RBFOX3: variants seen among roughly 807,000 people sequenced by gnomAD.
RBFOX3 encodes the protein RNA binding fox-1 homolog 3.
RBFOX3 carries 17 observed loss-of-function variants against 48.7 expected under a neutral mutation model. The observed-to-expected ratio is 0.35, with a 90% CI of 0.24 to 0.52. The LOEUF (loss-of-function observed/expected upper bound fraction) is 0.52, where lower values mean the gene tolerates loss of function less well. Ranked by LOEUF, RBFOX3 falls within the 20% of genes least tolerant of loss-of-function variation. RBFOX3 has a pLI of 0.94. For missense variants in RBFOX3, 382 were observed against 497.5 expected (o/e 0.77, Z 2.21); for synonymous variants, 212 against 209.5 (o/e 1.01, Z -0.10).
chr17:79,388,706 G>A (rs552362175), intron 2 of RBFOX3, among the ~76,000 whole-genome samples: 7 of 152,216 alleles, frequency 4.6e-5, no homozygotes, highest in Admixed American at 3.3e-4. Context: ...CAGGGTTCCC[G>A]GCAAGGACAC....
chr17:79,507,233 GAC>G (rs1389230743), intron 1 of RBFOX3, among the ~76,000 whole-genome samples: 13 of 152,192 alleles, frequency 8.5e-5, no homozygotes, highest in African/African-American at 3.1e-4. Flanking sequence ...CATCCCATCA[GAC>G]ACAACCGCCA....
chr17:79,373,589 C>T (rs1404645647), intron 2 of RBFOX3, among the ~76,000 whole-genome samples: 1 of 152,112 alleles, frequency 6.6e-6, no homozygotes, highest in African/African-American at 2.4e-5. Context: ...GGACTTGACG[C>T]CTGCTGGCCT....
intron 4 of RBFOX3, among the ~76,000 whole-genome samples, chr17:79,141,194 T>C (rs1218848108): frequency 2.6e-5 from 4 of 152,154 alleles, no homozygotes; most frequent in Non-Finnish European, 2.9e-5. Flanking sequence ...GGGGACAGAA[T>C]TGGGAGGGGT....
At chr17:79,342,505 C>A (rs1468628583) in intron 2 of RBFOX3, among the ~76,000 whole-genome samples, 1 of 152,210 alleles carries the variant, frequency 6.6e-6, no homozygotes, top group African/African-American at 2.4e-5. Context: ...GAACCTAAGT[C>A]CTGGGCTACA....
intron 2 of RBFOX3, among the ~76,000 whole-genome samples, chr17:79,367,296 C>T (rs2057917193): frequency 1.4e-5 from 2 of 143,158 alleles, no homozygotes; most frequent in Non-Finnish European, 3.1e-5. Flanking sequence ...CCCTCCTCCT[C>T]CCTCTCCTCT....
At chr17:79,259,765 C>T (rs1183817843) in intron 3 of RBFOX3, among the ~76,000 whole-genome samples, 1 of 152,040 alleles carries the variant, frequency 6.6e-6, no homozygotes, top group Non-Finnish European at 1.5e-5. Context: ...TGTCTAGGTG[C>T]CCCCGCATCT....
intron 1 of RBFOX3, among the ~76,000 whole-genome samples, chr17:79,556,412 G>T (rs1440725424): frequency 6.6e-6 from 1 of 152,192 alleles, no homozygotes; most frequent in Non-Finnish European, 1.5e-5. Context: ...GAAGGGCCGA[G>T]GAGGGGACAG....
chr17:79,094,696 CCTT>C (rs1212535518), intron 13 of RBFOX3, among the ~76,000 whole-genome samples, 167 bp from the exon 14 acceptor site: 1 of 151,370 alleles, frequency 6.6e-6, no homozygotes, highest in Non-Finnish European at 1.5e-5. Flanking sequence ...GCCTACCCCT[CCTT>C]CTTGTTAAGA....
chr17:79,177,514 C>T (rs2050847464), intron 4 of RBFOX3, among the ~76,000 whole-genome samples: 1 of 152,196 alleles, frequency 6.6e-6, no homozygotes, highest in Admixed American at 6.5e-5. Flanking sequence ...GCCGAATGGC[C>T]GTCAGCTTAC....
chr17:79,616,000 T>C (rs2093992423), upstream of RBFOX3, among the ~76,000 whole-genome samples: 1 of 152,152 alleles, frequency 6.6e-6, no homozygotes, highest in Admixed American at 6.5e-5. Context: ...TATTCAGCAC[T>C]GGACACATCC....
chr17:79,620,088 C>T, the RBFOX3 span, among the ~76,000 whole-genome samples: 2 of 146,962 alleles, frequency 1.4e-5, no homozygotes, highest in Non-Finnish European at 1.5e-5. Flanking sequence ...CACACAAGCA[C>T]ATGCACACAT....
chr17:79,352,492 C>A (rs763159407), intron 2 of RBFOX3, among the ~76,000 whole-genome samples: 2 of 152,154 alleles, frequency 1.3e-5, no homozygotes, highest in East Asian at 1.9e-4. Context: ...TATGGCAGTG[C>A]GAGAACAGAT....
chr17:79,153,484 A>C (rs972570208), intron 4 of RBFOX3, among the ~76,000 whole-genome samples: 10 of 152,138 alleles, frequency 6.6e-5, no homozygotes, highest in African/African-American at 1.4e-4. Flanking sequence ...GGGACTTCAG[A>C]ATGACAGGAG....
chr17:79,190,432 C>CAAAAAAAACTATAACAAA (rs58432390), intron 4 of RBFOX3, among the ~76,000 whole-genome samples: 5 of 114,736 alleles, frequency 4.4e-5, no homozygotes, highest in Non-Finnish European at 7.3e-5. Flanking sequence ...AAAAAAAAAA[C>CAAAAAAAACTATAACAAA]AAAAAAACAG....
intron 1 of RBFOX3, among the ~76,000 whole-genome samples, chr17:79,514,702 A>G (rs2149909798): frequency 6.6e-6 from 1 of 152,256 alleles, no homozygotes; most frequent in Middle Eastern, 3.4e-3. Context: ...AGCATCTAGC[A>G]CAAGCCTCTG....
At chr17:79,137,919 C>G (rs948051338) in intron 4 of RBFOX3, among the ~76,000 whole-genome samples, 3 of 152,172 alleles carry the variant, frequency 2.0e-5, no homozygotes, top group Admixed American at 1.3e-4. Context: ...GCTGATTGCG[C>G]CTGTCAACTC....
intron 9 of RBFOX3, among the ~76,000 whole-genome samples, chr17:79,100,794 G>A (rs1416841844): frequency 6.6e-6 from 1 of 152,218 alleles, no homozygotes; most frequent in Admixed American, 6.5e-5. Flanking sequence ...ACTCGCAGTG[G>A]CCACCAGTGG....
chr17:79,297,575 C>A (rs962240509), intron 3 of RBFOX3, among the ~76,000 whole-genome samples: 1 of 152,262 alleles, frequency 6.6e-6, no homozygotes, highest in East Asian at 1.9e-4. Context: ...AGGACAGACA[C>A]TGGAAATCTG....
In RBFOX3 at chr17:79,502,748, G is replaced by A. The variant is rs1019826458; in HGVS notation, c.-319-20150C>T. ...GCCTTTACCACGACTCACTCATGCCGTGGAAAAGCATGGATTCTGTTCCTC... is the reference window on the plus strand; with the variant it reads ...GCCTTTACCACGACTCACTCATGCCATGGAAAAGCATGGATTCTGTTCCTC... On this transcript the variant is annotated intron_variant, in intron 1 of 14. Coordinates refer to ENST00000693108, the MANE Select transcript of RBFOX3 (RefSeq NM_001350451.2). Among the ~76,000 whole-genome samples, 1,116 of 152,226 alleles carry A rather than the reference G, an allele frequency of 7.3e-3. 8 individuals are homozygous for A. The highest frequency in any genetic ancestry group is 0.023 in the African/African-American group (953 of 41,534).
Sources: allele counts gnomAD v4.1 joint callset (sites outside exome capture counted in the v4.1 genomes callset), GRCh38; gene constraint gnomAD v4.1.1; transcripts MANE v1.5; gene names NCBI Gene and HGNC (gene_info 2026-07-23, HGNC 2026-07-21).